MAP3K21: variants seen among roughly 807,000 people sequenced by gnomAD.
The protein encoded by MAP3K21 is mitogen-activated protein kinase kinase kinase 21, also known as mitogen-activated protein kinase kinase kinase MLK4.
A neutral mutation model predicts 86.1 loss-of-function variants in MAP3K21; 63 were observed. That is an observed-to-expected ratio of 0.73 (90% CI 0.60 to 0.90). The LOEUF (loss-of-function observed/expected upper bound fraction) is 0.90. Among genes scored for constraint, MAP3K21 ranks in the 40% least tolerant of loss-of-function variants. The probability of loss-of-function intolerance (pLI) is 0.00; values close to 1 mark genes in which losing one functional copy is unlikely to be tolerated. For missense variants in MAP3K21, 1,220 were observed against 1,367.7 expected (o/e 0.89, Z 1.70); for synonymous variants, 558 against 564.8 (o/e 0.99, Z 0.17).
chr1:233,336,175 A>AT (rs951464589), intron 1 of MAP3K21, among the ~76,000 whole-genome samples: 9 of 152,252 alleles, frequency 5.9e-5, no homozygotes, highest in East Asian at 1.9e-4. Context: ...TAAGCGATGC[A>AT]TTTTTTCCCT....
chr1:233,345,592 G>A (rs1269352057), intron 1 of MAP3K21, among the ~76,000 whole-genome samples: 1 of 151,468 alleles, frequency 6.6e-6, no homozygotes, highest in Non-Finnish European at 1.5e-5. Context: ...TGGGATGGGG[G>A]GCAGGGGGAG....
chr1:233,374,367 A>G (rs10910142), intron 6 of MAP3K21, among the ~76,000 whole-genome samples: 33,649 of 151,746 alleles, frequency 0.22, 3,915 homozygotes, highest in South Asian at 0.3. Flanking sequence ...GTAAAGACGG[A>G]GTTTCACCAC....
Position 233,379,470 on chromosome 1 carries a change from G to A in MAP3K21, c.2464G>A (p.Val822Met). The change falls in exon 9 of 10, where the codon GTG becomes ATG. Residue 822 changes from valine (V) to methionine (M), a missense_variant. Physicochemically the swap from Val to Met is conservative, Grantham distance 21. Around this residue, in one of 5 missense-constraint regions of MAP3K21, gnomAD observed 632 missense variants for 691.3 expected, o/e 0.91. Transcript: ENST00000366624. ...GCAGATGGACAGTGAAGATCCACTGGTGGACAGTGCACCTGTCACTTGTGA... is the reference window on the plus strand; with the variant it reads ...GCAGATGGACAGTGAAGATCCACTGATGGACAGTGCACCTGTCACTTGTGA... Reference protein sequence around the residue: ...LLQMDSEDPLVDSAPVTCDSE... With the variant: ...LLQMDSEDPLMDSAPVTCDSE... 1.2e-6 allele frequency: 2 copies of A among 1,614,152 alleles called. No individual in the cohort carries two copies. Among genetic ancestry groups the A allele is most frequent in the East Asian group, 2.2e-5 (1 of 44,872 alleles).
intron 1 of MAP3K21, among the ~76,000 whole-genome samples, chr1:233,345,613 A>G (rs1177004144): frequency 2.0e-5 from 3 of 152,056 alleles, no homozygotes; most frequent in Non-Finnish European, 4.4e-5. Context: ...GGATAGCATT[A>G]GGAGAAATAC....
At chr1:233,343,811 C>T (rs1182789858) in intron 1 of MAP3K21, among the ~76,000 whole-genome samples, 2 of 152,158 alleles carry the variant, frequency 1.3e-5, no homozygotes, top group Non-Finnish European at 2.9e-5. Flanking sequence ...ATTAAAATAC[C>T]TACAACCTCA....
intron 7 of MAP3K21, 126 bp from the exon 8 acceptor site, chr1:233,376,304 C>T: frequency 1.3e-6 from 1 of 785,858 alleles, no homozygotes; most frequent in South Asian, 1.7e-5. Context: ...TTTGTCAGCC[C>T]TTCAAAACTG....
chr1:233,373,046 A>G (rs1663720276), intron 6 of MAP3K21: 1 of 152,066 alleles, frequency 6.6e-6, no homozygotes, highest in South Asian at 2.1e-4. Context: ...CCTTGGCACC[A>G]GCAGAGATTT....
intron 5 of MAP3K21, among the ~76,000 whole-genome samples, chr1:233,366,965 T>G (rs1320013229): frequency 6.6e-6 from 1 of 152,210 alleles, no homozygotes; most frequent in African/African-American, 2.4e-5. Flanking sequence ...TTTGTGATTA[T>G]GTAGTATTTT....
chr1:233,334,646 G>A (rs1013351428), intron 1 of MAP3K21, among the ~76,000 whole-genome samples: 44 of 152,190 alleles, frequency 2.9e-4, no homozygotes, highest in African/African-American at 1.0e-3. Flanking sequence ...CAGGCAGTGA[G>A]TGCCATGGAT....
intron 8 of MAP3K21, 37 bp downstream of exon 8, chr1:233,376,564 G>C (rs1459782273): frequency 1.4e-6 from 2 of 1,438,744 alleles, no homozygotes; most frequent in Admixed American, 1.8e-5. Context: ...TGCTTGAGCA[G>C]TCCTTGGCAT....
In MAP3K21 at chr1:233,379,135, T is replaced by G. The variant is rs1301388514; in HGVS notation, c.2129T>G (p.Leu710Arg). ...VSIEMTPTNS[L>R]SRSPQRKKTE... ...ATTGAGATGACTCCTACGAATAGTC[T>G]GAGTAGATCCCCCCAGAGAAAGAAA... The change falls in exon 9 of 10, where the codon CTG becomes CGG. Residue 710 changes from leucine (L) to arginine (R), a missense_variant. This residue lies in a region of MAP3K21 where 632 missense variants were observed against 691.3 expected (regional missense o/e 0.91). Coordinates refer to ENST00000366624, the MANE Select transcript of MAP3K21 (RefSeq NM_032435.3). 1.2e-6 allele frequency: 2 copies of G among 1,614,166 alleles called. No homozygotes were observed. Among genetic ancestry groups the G allele is most frequent in the Admixed American group, 3.3e-5 (2 of 60,022 alleles).
At chr1:233,380,508 T>C (rs1186941575) in intron 9 of MAP3K21, among the ~76,000 whole-genome samples, 1 of 152,226 alleles carries the variant, frequency 6.6e-6, no homozygotes, top group Non-Finnish European at 1.5e-5. Context: ...TTAGGAATTT[T>C]GTGGGGACAC....
intron 8 of MAP3K21, 88 bp from the exon 9 acceptor site, chr1:233,378,843 T>C (rs1663848201): frequency 1.1e-6 from 1 of 926,362 alleles, no homozygotes; most frequent in Middle Eastern, 3.5e-4. Context: ...TATGTATTTA[T>C]TATATTTTAG....
chr1:233,346,277 C>T (rs944584115), intron 1 of MAP3K21, among the ~76,000 whole-genome samples, 165 bp from the exon 2 acceptor site: 2 of 152,162 alleles, frequency 1.3e-5, no homozygotes, highest in Non-Finnish European at 2.9e-5. Context: ...ACAGATAACC[C>T]ACTAAAGACT....
At chr1:233,345,412 A>G (rs4649218) in intron 1 of MAP3K21, among the ~76,000 whole-genome samples, 54,715 of 151,906 alleles carry the variant, frequency 0.36, 10,360 homozygotes, top group Admixed American at 0.52. Flanking sequence ...GTAAAAAAGG[A>G]TGAGTTCATG....
Position 233,382,853 on chromosome 1 carries a change from C to A in MAP3K21, c.*142C>A. On this transcript the variant is annotated 3_prime_UTR_variant, in exon 10 of 10. Coordinates refer to ENST00000366624, the MANE Select transcript of MAP3K21 (RefSeq NM_032435.3). ...AATTAGTAAGATATATCCAGCTTCT[C>A]AAAAAATGTATATGATTGCTGTTAG... 1.5e-6 allele frequency: 1 copy of A among 687,800 alleles called. No individual in the cohort carries two copies. Among genetic ancestry groups the A allele is most frequent in the Non-Finnish European group, 2.4e-6 (1 of 420,936 alleles). The allele number at this position is 687,800 out of a possible 1,614,324, so 42.6% of individuals were successfully genotyped here.
intron 1 of MAP3K21, among the ~76,000 whole-genome samples, chr1:233,330,765 A>C (rs1172573615): frequency 6.6e-6 from 1 of 152,196 alleles, no homozygotes; most frequent in East Asian, 1.9e-4. Flanking sequence ...TTTACACTGC[A>C]CTTAGTTTTG....
intron 1 of MAP3K21, among the ~76,000 whole-genome samples, chr1:233,331,317 T>C (rs1015592580): frequency 6.6e-6 from 1 of 152,226 alleles, no homozygotes; most frequent in Non-Finnish European, 1.5e-5. Flanking sequence ...TTTGTTACAA[T>C]ATGACCATTA....
chr1:233,338,423 G>A (rs1662956588), intron 1 of MAP3K21, among the ~76,000 whole-genome samples: 1 of 152,164 alleles, frequency 6.6e-6, no homozygotes, highest in South Asian at 2.1e-4. Context: ...GAGTGAGACA[G>A]ACATTAAGCA....
Sources: gnomAD v4.1 joint callset for allele counts (sites outside exome capture counted in the v4.1 genomes callset) on GRCh38, gnomAD v4.1.1 for gene constraint, gnomAD v4.1.1 regional missense constraint, MANE v1.5 for transcripts, NCBI Gene and HGNC (gene_info 2026-07-23, HGNC 2026-07-21) for gene names.